Variants in AP3D1 observed in about 807,000 individuals in gnomAD.
The protein encoded by AP3D1 is adaptor related protein complex 3 subunit delta 1.
Under a neutral mutation model 147.6 loss-of-function variants are expected in AP3D1, and 51 were observed. That is an observed-to-expected ratio of 0.35 (90% CI 0.28 to 0.44). AP3D1 has a LOEUF of 0.44. Among genes scored for constraint, AP3D1 ranks in the 20% least tolerant of loss-of-function variants. The probability of loss-of-function intolerance (pLI) is 1.00; values close to 1 mark genes in which losing one functional copy is unlikely to be tolerated. For synonymous variants in AP3D1, 760 were observed against 663.0 expected, an observed-to-expected ratio of 1.15 and a Z score of -2.25; for missense variants, 1,421 against 1,624.2, an observed-to-expected ratio of 0.87 and a Z score of 2.15.
intron 4 of AP3D1, among the ~76,000 whole-genome samples, chr19:2,134,075 G>A (rs188063338): frequency 8.5e-4 from 129 of 151,968 alleles, no homozygotes; most frequent in African/African-American, 2.7e-3. Context: ...ACTCCAGATG[G>A]CGACAGAGTG....
intron 1 of AP3D1, among the ~76,000 whole-genome samples, chr19:2,141,038 C>A (rs1472132786): frequency 6.6e-6 from 1 of 152,046 alleles, no homozygotes; most frequent in Non-Finnish European, 1.5e-5. Context: ...GGATAACAGG[C>A]ATGAGCCACT....
intron 4 of AP3D1, among the ~76,000 whole-genome samples, chr19:2,136,020 G>A (rs978593036): frequency 3.9e-4 from 59 of 150,336 alleles, no homozygotes; most frequent in African/African-American, 1.4e-3. Flanking sequence ...ACACGGCCAC[G>A]ACCCAAGAAG....
At chr19:2,115,706 C>G (rs2018427140) in intron 18 of AP3D1, 93 bp from the exon 19 acceptor site, 1 of 1,349,242 alleles carries the variant, frequency 7.4e-7, no homozygotes, top group Non-Finnish European at 1.0e-6. Context: ...GACGCAGCCC[C>G]AACATCCTAA....
chr19:2,141,150 G>A (rs1599488729), intron 1 of AP3D1, among the ~76,000 whole-genome samples: 2 of 152,156 alleles, frequency 1.3e-5, no homozygotes, highest in East Asian at 3.9e-4. Flanking sequence ...ATTAGCTGAA[G>A]CTATAATGTG....
intron 27 of AP3D1, 78 bp downstream of exon 27, chr19:2,110,629 C>T: frequency 7.1e-7 from 1 of 1,410,710 alleles, no homozygotes; most frequent in African/African-American, 1.4e-5. Flanking sequence ...CAACAAGAAC[C>T]AGCGGATCCG....
At chr19:2,127,128 G>A (rs369313076) in intron 9 of AP3D1, 24 bp downstream of exon 9, 7 of 1,613,428 alleles carry the variant, frequency 4.3e-6, no homozygotes, top group African/African-American at 1.3e-5. Context: ...AGCCCTTCCA[G>A]ATGGGGAGAG....
chr19:2,142,700 T>C (rs555872357), intron 1 of AP3D1, among the ~76,000 whole-genome samples: 54 of 151,724 alleles, frequency 3.6e-4, no homozygotes, highest in Non-Finnish European at 6.8e-4. Flanking sequence ...ACCCAGCTCA[T>C]GAGAGCAAAG....
At chr19:2,118,131 G>T (rs1181294813) in intron 15 of AP3D1, among the ~76,000 whole-genome samples, 1 of 152,158 alleles carries the variant, frequency 6.6e-6, no homozygotes, top group Non-Finnish European at 1.5e-5. Flanking sequence ...CTTGACTCCA[G>T]CCTGGGCAAA....
At chr19:2,121,416 G>C (rs75138314) in intron 12 of AP3D1, 105 bp from the exon 13 acceptor site, 2 of 1,404,092 alleles carry the variant, frequency 1.4e-6, no homozygotes, top group Admixed American at 1.9e-5. Context: ...GGACACAGGC[G>C]GACCCGGATT....
upstream of AP3D1, among the ~76,000 whole-genome samples, chr19:2,156,078 AAAGG>A (rs1390808257): frequency 4.6e-5 from 7 of 151,980 alleles, no homozygotes; most frequent in African/African-American, 1.7e-4. Context: ...GAAAAAAGAA[AAAGG>A]AAGAATGGTT....
In AP3D1 at chr19:2,102,187, G is replaced by C. The variant is rs759937577; in HGVS notation, c.3634C>G (p.Leu1212Val). 1.2e-6 allele frequency: 2 copies of C among 1,613,838 alleles called. No homozygotes were observed. Among genetic ancestry groups the C allele is most frequent in the Admixed American group, 1.7e-5 (1 of 60,018 alleles). ...SNLLEEMKAT[L>V]AKC ...GCAGGCAGCTCTCAACACTTGGCCA[G>C]CGTCGCCTTCATCTCTTCTAACAAG... The change falls in exon 32 of 32, where the codon CTG (leucine) becomes GTG (valine). Residue 1212 changes from leucine (L) to valine (V), a missense_variant. Physicochemically the swap from Leu to Val is conservative, Grantham distance 32. Around this residue, in one of 6 missense-constraint regions of AP3D1, gnomAD observed 17 missense variants for 17.5 expected, o/e 0.97. Transcript: ENST00000643116.
At position 2,102,088 on chromosome 19, in the gene AP3D1, C is replaced by T; in HGVS notation, c.*85G>A. 9.4e-7 allele frequency: 1 copy of T among 1,066,358 alleles called. No homozygotes were observed. 66.1% of individuals were successfully genotyped at this position (1,066,358 alleles called of 1,614,324 possible). On this transcript the variant is annotated 3_prime_UTR_variant, in exon 32 of 32. Transcript: ENST00000643116. ...AACACTCAGGCTTGGGTACAGTACA[C>T]ACGACTGAGGAGAGGCGAGACACGT...
chr19:2,126,319 C>T (rs1179607329), intron 9 of AP3D1, among the ~76,000 whole-genome samples: 2 of 150,480 alleles, frequency 1.3e-5, no homozygotes, highest in Non-Finnish European at 2.9e-5. Context: ...GGCCCTTGTG[C>T]CCTGGCCCAG....
At chr19:2,103,421 C>T (rs1014315622) in intron 31 of AP3D1, among the ~76,000 whole-genome samples, 4 of 152,186 alleles carry the variant, frequency 2.6e-5, no homozygotes, top group African/African-American at 9.7e-5. Flanking sequence ...CTTCCGCCCT[C>T]CTGCCACTGG....
chr19:2,145,127 T>C (rs981545854), intron 1 of AP3D1, among the ~76,000 whole-genome samples: 8 of 152,218 alleles, frequency 5.3e-5, no homozygotes, highest in Non-Finnish European at 1.0e-4. Context: ...AGGAACCACC[T>C]TGGCTCAGCA....
chr19:2,149,969 G>T (rs1292000804), intron 1 of AP3D1, among the ~76,000 whole-genome samples: 1 of 152,234 alleles, frequency 6.6e-6, no homozygotes, highest in Non-Finnish European at 1.5e-5. Flanking sequence ...CAGTTAGGGA[G>T]AGCTTCTGAG....
chr19:2,136,879 C>T (rs1362166257), intron 4 of AP3D1, 132 bp downstream of exon 4: 2 of 813,624 alleles, frequency 2.5e-6, no homozygotes, highest in Non-Finnish European at 4.0e-6. Context: ...GACTGTGGCT[C>T]CGGAAGCCCC....
At chr19:2,159,328 C>T (rs1043288454) in intron 1 of AP3D1, among the ~76,000 whole-genome samples, 1 of 152,052 alleles carries the variant, frequency 6.6e-6, no homozygotes, top group Non-Finnish European at 1.5e-5. Flanking sequence ...AAGCGATTCT[C>T]CTGCCTCAGC....
Position 2,131,362 on chromosome 19 carries a change from CACG to C in AP3D1, c.463-828_463-826del, listed in dbSNP as rs879313995. ...CCACGTGGGGACAGTGCCCATCGGC[CACG>C]ATCTAGACACCAGGTGGACAGGCAG... On this transcript the variant is annotated intron_variant, in intron 5 of 31. Transcript: ENST00000643116. Among the ~76,000 whole-genome samples the C allele has an allele frequency of 6.1e-4, 92 of 151,042 alleles. 4 individuals carry two copies. Among genetic ancestry groups the C allele is most frequent in the Non-Finnish European group, 9.2e-4 (62 of 67,732 alleles).
Sources: gnomAD v4.1 joint callset for allele counts (sites outside exome capture counted in the v4.1 genomes callset) on GRCh38, gnomAD v4.1.1 for gene constraint, gnomAD v4.1.1 regional missense constraint, MANE v1.5 for transcripts, NCBI Gene and HGNC (gene_info 2026-07-23, HGNC 2026-07-21) for gene names.